Variants in PPM1G observed in about 807,000 individuals in gnomAD.
PPM1G encodes the protein protein phosphatase, Mg2+/Mn2+ dependent 1G.
PPM1G carries 12 observed loss-of-function variants against 59.4 expected under a neutral mutation model. The ratio of observed to expected loss-of-function variants is 0.20; its 90% confidence interval spans 0.13 to 0.33. The LOEUF is 0.33. Among genes scored for constraint, PPM1G ranks in the 10% least tolerant of loss-of-function variants. The pLI is 1.00. For missense variants in PPM1G, 392 were observed against 681.3 expected (o/e 0.58, Z 4.73); for synonymous variants, 245 against 251.9 (o/e 0.97, Z 0.26).
chr2:27,384,533 C>A lies in PPM1G; in HGVS notation c.825+140G>T. On this transcript the variant is annotated intron_variant, in intron 5 of 9. Coordinates refer to ENST00000344034, the MANE Select transcript of PPM1G (RefSeq NM_177983.3). The surrounding 1 kb of genome is among the most constrained non-coding windows in gnomAD (Gnocchi z 4.8). ...CTGTGATGATGGAGCTCAATGAATT[C>A]AAGACTAAAGCTTAGAATACAGTGG... 2 of 1,098,326 alleles carry A rather than the reference C, an allele frequency of 1.8e-6. No homozygotes were observed. Among genetic ancestry groups the A allele is most frequent in the Non-Finnish European group, 2.6e-6 (2 of 769,112 alleles). The allele number at this position is 1,098,326 out of a possible 1,614,324, so 68.0% of individuals were successfully genotyped here.
intron 1 of PPM1G, among the ~76,000 whole-genome samples, chr2:27,398,934 C>T (rs1274978157): frequency 6.6e-6 from 1 of 151,888 alleles, no homozygotes; most frequent in Non-Finnish European, 1.5e-5. Context: ...CACCTGAGGT[C>T]AGTAGTTCAA....
intron 1 of PPM1G, among the ~76,000 whole-genome samples, chr2:27,399,589 G>A (rs1291503552): frequency 6.6e-6 from 1 of 152,156 alleles, no homozygotes; most frequent in African/African-American, 2.4e-5. Context: ...CAGGAGAATC[G>A]CTTGAATCTG....
At chr2:27,399,789 C>T (rs1233821610) in intron 1 of PPM1G, among the ~76,000 whole-genome samples, 1 of 152,014 alleles carries the variant, frequency 6.6e-6, no homozygotes, top group Non-Finnish European at 1.5e-5. Flanking sequence ...CAGGAATGTA[C>T]GACGGTACAG....
Position 27,409,544 on chromosome 2 carries a change from G to C in PPM1G, c.-122C>G. On this transcript the variant is annotated 5_prime_UTR_variant, in exon 1 of 10. Transcript: ENST00000344034. ...GCGGCGCGACCGACGCAAGGTGCCG[G>C]TGAAAGGCGCGAGGCCGGCCAGGAG... 6 of 1,260,616 alleles carry C rather than the reference G, an allele frequency of 4.8e-6. No individual in the cohort carries two copies. Among genetic ancestry groups the C allele is most frequent in the Non-Finnish European group, 6.1e-6 (6 of 984,448 alleles). The allele number at this position is 1,260,616 out of a possible 1,614,324, so 78.1% of individuals were successfully genotyped here. A position where few individuals can be genotyped will look rare whatever the true frequency, so the allele number is the denominator to read the frequency against.
At chr2:27,387,018 G>GACCT in intron 2 of PPM1G, 71 bp downstream of exon 2, 1 of 1,190,022 alleles carries the variant, frequency 8.4e-7, no homozygotes, top group Non-Finnish European at 1.3e-6. Flanking sequence ...TGAACAAAGG[G>GACCT]ACCTGTTCTT....
intron 2 of PPM1G, 103 bp downstream of exon 2, chr2:27,386,986 G>C: frequency 1.1e-6 from 1 of 884,960 alleles, no homozygotes; most frequent in Non-Finnish European, 1.9e-6. Flanking sequence ...ATGATAATGA[G>C]GGCCAGACCC....
chr2:27,397,317 A>C (rs369658164), intron 1 of PPM1G, among the ~76,000 whole-genome samples: 1 of 143,686 alleles, frequency 7.0e-6, no homozygotes, highest in Non-Finnish European at 1.5e-5. Context: ...ATAGAAAAGA[A>C]GACAACACTT....
rs1220749504 is a variant in PPM1G at position 27,381,573 on chromosome 2, T to C, written c.*26A>G. ...GGTCCGGAGGGCTCAGAAAACAGTCTAGGTGGGCAGGGGTCTGGATGACTG... is the reference window on the plus strand; with the variant it reads ...GGTCCGGAGGGCTCAGAAAACAGTCCAGGTGGGCAGGGGTCTGGATGACTG... On this transcript the variant is annotated 3_prime_UTR_variant, in exon 10 of 10. Coordinates refer to ENST00000344034, the MANE Select transcript of PPM1G (RefSeq NM_177983.3). The C allele has an allele frequency of 2.5e-6, 4 of 1,613,570 alleles. No homozygotes were observed. The highest frequency in any genetic ancestry group is 1.1e-5 in the South Asian group (1 of 91,078).
chr2:27,408,853 A>G (rs980729297), intron 1 of PPM1G, among the ~76,000 whole-genome samples: 2 of 152,186 alleles, frequency 1.3e-5, no homozygotes, highest in Non-Finnish European at 2.9e-5. Context: ...ACTCCTAGCC[A>G]AAAGAGGCTT....
chr2:27,385,082 T>G lies in PPM1G; in HGVS notation c.416A>C (p.Asn139Thr), dbSNP rs556461965. The G allele has an allele frequency of 3.6e-5, 58 of 1,601,226 alleles. No homozygotes were observed. The East Asian group carries it at 1.3e-3, about 35-fold the overall frequency. The change falls in exon 5 of 10, where the codon AAT (asparagine) becomes ACT (threonine). Residue 139 changes from asparagine (N) to threonine (T), a missense_variant. Around this residue, in one of 6 missense-constraint regions of PPM1G, gnomAD observed 188 missense variants for 248.8 expected, o/e 0.76. Transcript: ENST00000344034. The surrounding 1 kb of genome is among the most constrained non-coding windows in gnomAD (Gnocchi z 4.1). ...TTCATGCAGCAGTGCAGCCTCCTCATTGTCCACTGCAGGGAAGAGGCTAAA... is the reference window on the plus strand; with the variant it reads ...TTCATGCAGCAGTGCAGCCTCCTCAGTGTCCACTGCAGGGAAGAGGCTAAA... ...EKVADEDDVD[N>T]EEAALLHEEA...
chr2:27,381,529 A>C lies in PPM1G; in HGVS notation c.*70T>G. 6.3e-7 allele frequency: 1 copy of C among 1,583,616 alleles called. No homozygotes were observed. Among genetic ancestry groups the C allele is most frequent in the Non-Finnish European group, 8.7e-7 (1 of 1,153,328 alleles). ...TACCCACTGCTAAGGCTAAAGGAAA[A>C]AGACAAAACTCAGTCTCAGGTCCGG... On this transcript the variant is annotated 3_prime_UTR_variant, in exon 10 of 10. Coordinates refer to ENST00000344034, the MANE Select transcript of PPM1G (RefSeq NM_177983.3).
chr2:27,393,058 T>C, intron 1 of PPM1G: 1 of 1,301,182 alleles, frequency 7.7e-7, no homozygotes, highest in South Asian at 1.2e-5. Context: ...ATGTAATCCA[T>C]CGCATTCAGC....
In PPM1G at chr2:27,385,962, T is replaced by C. The variant is rs1683753923; in HGVS notation, c.277-83A>G. 1 of 1,489,822 alleles carries C rather than the reference T, an allele frequency of 6.7e-7. No individual in the cohort carries two copies. Among genetic ancestry groups the C allele is most frequent in the African/African-American group, 1.4e-5 (1 of 70,978 alleles). 92.3% of individuals were successfully genotyped at this position (1,489,822 alleles called of 1,614,324 possible). A position where few individuals can be genotyped will look rare whatever the true frequency, so the allele number is the denominator to read the frequency against. ...CTGAGCACAAGGATGGAATACAAAT[T>C]AAGAGTGTGAGCCACCACACTAAGA... On this transcript the variant is annotated intron_variant, in intron 3 of 9. Transcript: ENST00000344034. This position sits in a 1 kb window ranked among gnomAD's most constrained non-coding sequence, Gnocchi z 4.1.
In PPM1G at chr2:27,406,791, AGAG is replaced by A. The variant is rs1423085761; in HGVS notation, c.120+2509_120+2511del. Among the ~76,000 whole-genome samples, 6 of 152,236 alleles carry A rather than the reference AGAG, an allele frequency of 3.9e-5. No individual in the cohort carries two copies. In the East Asian group the frequency reaches 7.7e-4, roughly 20 times the overall value. On this transcript the variant is annotated intron_variant, in intron 1 of 9. Transcript: ENST00000344034. ...ACCAAAGAAATGAAAAAACAACAGCAGAGAAGTGAAAAATATTAAATGAGAAAC... is the reference window on the plus strand; with the variant it reads ...ACCAAAGAAATGAAAAAACAACAGCAAAGTGAAAAATATTAAATGAGAAAC...
In PPM1G at chr2:27,382,827, T is replaced by C. The variant is rs1393457163; in HGVS notation, c.1202-222A>G. On this transcript the variant is annotated intron_variant, in intron 7 of 9. Coordinates refer to ENST00000344034, the MANE Select transcript of PPM1G (RefSeq NM_177983.3). The surrounding 1 kb of genome is among the most constrained non-coding windows in gnomAD (Gnocchi z 4.2). ...CTGGTCTTTTTATTTTAAGTCTTTT[T>C]TGTTTTTTTTTTTTTGAGACGGAGT... 8.7e-6 allele frequency among the ~76,000 whole-genome samples: 1 copy of C among 114,844 alleles called. No individual in the cohort carries two copies. The highest frequency in any genetic ancestry group is 1.7e-5 in the Non-Finnish European group (1 of 58,358). 75.3% of individuals were successfully genotyped at this position (114,844 alleles called of 152,430 possible).
At position 27,383,669 on chromosome 2, in the gene PPM1G, C is replaced by A. The variant is rs896748348; in HGVS notation, c.967-69G>T. The stretch of plus-strand genomic sequence containing the variant: ...CGTTCCTCACTGATGTGCTCCTGAT[C>A]GTTCACCTATGCTTGCTTTCACTGG... On this transcript the variant is annotated intron_variant, in intron 6 of 9. Transcript: ENST00000344034. The surrounding 1 kb of genome is among the most constrained non-coding windows in gnomAD (Gnocchi z 5.0). 5.6e-6 allele frequency: 8 copies of A among 1,433,528 alleles called. No individual in the cohort carries two copies. The highest frequency in any genetic ancestry group is 2.1e-5 in the Admixed American group (1 of 48,738). The allele number at this position is 1,433,528 out of a possible 1,614,324, so 88.8% of individuals were successfully genotyped here.
intron 1 of PPM1G, among the ~76,000 whole-genome samples, chr2:27,391,582 G>A (rs72819512): frequency 0.32 from 49,319 of 151,946 alleles, 8,680 homozygotes; most frequent in South Asian, 0.42. Context: ...TTTGTTGGAT[G>A]TATACTTTGT....
rs779910977 is a variant in PPM1G at position 27,384,129 on chromosome 2, A to G, written c.826-37T>C. 6.2e-7 allele frequency: 1 copy of G among 1,613,470 alleles called. No individual in the cohort carries two copies. Among genetic ancestry groups the G allele is most frequent in the African/African-American group, 1.3e-5 (1 of 75,026 alleles). ...AGGATCCCAGACTGCTGAGACTGGGATGATCCCCTCCCTCCCCACAGCTCA... is the reference window on the plus strand; with the variant it reads ...AGGATCCCAGACTGCTGAGACTGGGGTGATCCCCTCCCTCCCCACAGCTCA... On this transcript the variant is annotated intron_variant, in intron 5 of 9. Transcript: ENST00000344034. The surrounding 1 kb of genome is among the most constrained non-coding windows in gnomAD (Gnocchi z 4.8).
intron 1 of PPM1G, among the ~76,000 whole-genome samples, chr2:27,398,927 C>T (rs752825197): frequency 2.0e-5 from 3 of 151,084 alleles, no homozygotes; most frequent in Non-Finnish European, 4.4e-5. Flanking sequence ...GGCAGATCAC[C>T]TGAGGTCAGT....
Sources: allele counts gnomAD v4.1 joint callset (sites outside exome capture counted in the v4.1 genomes callset), GRCh38; gene constraint gnomAD v4.1.1; regional missense constraint gnomAD v4.1.1; non-coding constraint Gnocchi (gnomAD v3.1); transcripts MANE v1.5; gene names NCBI Gene and HGNC (gene_info 2026-07-23, HGNC 2026-07-21).